Variants in DOCK3 observed in about 807,000 individuals in gnomAD.
DOCK3 encodes dedicator of cytokinesis protein 3.
A neutral mutation model predicts 265.6 loss-of-function variants in DOCK3; 60 were observed. The ratio of observed to expected loss-of-function variants is 0.23; its 90% CI spans 0.18 to 0.28. DOCK3 has a LOEUF of 0.28. Among genes scored for constraint, DOCK3 ranks in the 10% least tolerant of loss-of-function variants. The probability of loss-of-function intolerance (pLI) is 1.00; values close to 1 mark genes in which losing one functional copy is unlikely to be tolerated. For missense variants in DOCK3, 1,981 were observed against 2,594.3 expected (o/e 0.76, Z 5.14); for synonymous variants, 881 against 938.0 (o/e 0.94, Z 1.11).
At chr3:51,272,477 C>T (rs1328798133) in intron 24 of DOCK3, among the ~76,000 whole-genome samples, 2 of 140,164 alleles carry the variant, frequency 1.4e-5, no homozygotes, top group Admixed American at 7.3e-5. Flanking sequence ...TTAGTAGAGA[C>T]GGGGTTTCAC....
intron 1 of DOCK3, among the ~76,000 whole-genome samples, chr3:50,701,249 C>G (rs1180002716): frequency 6.6e-6 from 1 of 151,090 alleles, no homozygotes; most frequent in African/African-American, 2.4e-5. Flanking sequence ...TCTTGAGTAG[C>G]TAGGACAACA....
intron 9 of DOCK3, among the ~76,000 whole-genome samples, chr3:51,098,752 C>G (rs2082967327): frequency 6.6e-6 from 1 of 152,206 alleles, no homozygotes; most frequent in Non-Finnish European, 1.5e-5. Flanking sequence ...TAGACTCCAG[C>G]TCACTAACCA....
At chr3:50,688,506 A>G (rs931519603) in intron 1 of DOCK3, among the ~76,000 whole-genome samples, 7 of 152,162 alleles carry the variant, frequency 4.6e-5, no homozygotes, top group Admixed American at 1.3e-4. Context: ...TCTGTTGCCC[A>G]GGCTGGCGTG....
In DOCK3 at chr3:50,701,636, G is replaced by T. The variant is rs149658693; in HGVS notation, c.37+26336G>T. Among the ~76,000 whole-genome samples, 237 of 152,126 alleles carry T rather than the reference G, an allele frequency of 1.6e-3. 2 individuals carry two copies. The highest frequency in any genetic ancestry group is 5.4e-3 in the African/African-American group (223 of 41,508). Reference sequence around the variant, plus strand: ...TTGTTTTTGTTGCCTGTGCTTTTGAGGTCTTAGTCATAAAATCTTTGTGTA... The same window carrying T: ...TTGTTTTTGTTGCCTGTGCTTTTGATGTCTTAGTCATAAAATCTTTGTGTA... On this transcript the variant is annotated intron_variant, in intron 1 of 52. Transcript: ENST00000266037.
At chr3:50,999,827 T>G (rs6446245) in intron 5 of DOCK3, among the ~76,000 whole-genome samples, 115,697 of 152,140 alleles carry the variant, frequency 0.76, 44,983 homozygotes, top group Middle Eastern at 0.88. Context: ...CATTCCTTGT[T>G]GTAGATGGTC....
intron 23 of DOCK3, among the ~76,000 whole-genome samples, chr3:51,269,899 G>A (rs1192960688): frequency 6.6e-6 from 1 of 151,992 alleles, no homozygotes; most frequent in African/African-American, 2.4e-5. Flanking sequence ...TTTATAGATG[G>A]GGAAACAGAG....
chr3:50,755,966 A>G (rs1188309930), intron 1 of DOCK3, among the ~76,000 whole-genome samples: 1 of 152,216 alleles, frequency 6.6e-6, no homozygotes, highest in African/African-American at 2.4e-5. Flanking sequence ...GAGTTTATTA[A>G]AAAGTTTTAG....
At chr3:51,380,028 C>T (rs1240327849) in intron 51 of DOCK3, 97 bp from the exon 52 acceptor site, 31 of 1,189,032 alleles carry the variant, frequency 2.6e-5, no homozygotes, top group Non-Finnish European at 9.5e-6. Context: ...CCCCAGGGGA[C>T]TCTTCTCATG....
chr3:50,964,899 C>CA (rs1459978499), intron 5 of DOCK3, among the ~76,000 whole-genome samples: 1 of 151,848 alleles, frequency 6.6e-6, no homozygotes, highest in Non-Finnish European at 1.5e-5. Context: ...TCATCAGAAA[C>CA]AATGTAAATG....
At chr3:51,290,408 C>T (rs1161356663) in intron 27 of DOCK3, among the ~76,000 whole-genome samples, 1 of 152,054 alleles carries the variant, frequency 6.6e-6, no homozygotes, top group African/African-American at 2.4e-5. Flanking sequence ...AGCTGGAAAC[C>T]ATCATTCTCA....
At chr3:50,831,604 T>A (rs1205176424) in intron 2 of DOCK3, among the ~76,000 whole-genome samples, 1 of 152,190 alleles carries the variant, frequency 6.6e-6, no homozygotes, top group African/African-American at 2.4e-5. Context: ...GTATATGTAC[T>A]ACATTTTCTT....
At chr3:51,200,148 G>A (rs569103081) in intron 12 of DOCK3, among the ~76,000 whole-genome samples, 36 of 152,164 alleles carry the variant, frequency 2.4e-4, no homozygotes, top group African/African-American at 6.5e-4. Context: ...TCAAAGGATC[G>A]CAGTTCCTCA....
intron 5 of DOCK3, among the ~76,000 whole-genome samples, chr3:50,955,241 G>A (rs2076698259): frequency 6.6e-6 from 1 of 152,186 alleles, no homozygotes; most frequent in Non-Finnish European, 1.5e-5. Context: ...TGGTGGGAGT[G>A]TAAATTAGTT....
chr3:51,039,230 A>C (rs888408306), intron 5 of DOCK3, among the ~76,000 whole-genome samples: 1 of 152,154 alleles, frequency 6.6e-6, no homozygotes. Context: ...TCCTCACCTC[A>C]GGTGATCTGC....
intron 1 of DOCK3, among the ~76,000 whole-genome samples, chr3:50,707,893 G>T (rs2036516837): frequency 6.6e-6 from 1 of 151,012 alleles, no homozygotes; most frequent in South Asian, 2.1e-4. Context: ...GCCCCCAGGT[G>T]GGGTATGTGT....
chr3:51,243,137 G>T (rs781569404), intron 21 of DOCK3, among the ~76,000 whole-genome samples: 1 of 152,202 alleles, frequency 6.6e-6, no homozygotes, highest in East Asian at 1.9e-4. Context: ...AGGACCAACA[G>T]TTCCCCTAGG....
chr3:51,047,380 A>G (rs1205172066), intron 5 of DOCK3, among the ~76,000 whole-genome samples: 2 of 151,990 alleles, frequency 1.3e-5, no homozygotes, highest in Non-Finnish European at 2.9e-5. Flanking sequence ...CGTTGTGCAC[A>G]TGTACCCTAG....
intron 5 of DOCK3, among the ~76,000 whole-genome samples, chr3:50,954,202 A>G (rs1334766536): frequency 6.6e-6 from 1 of 152,102 alleles, no homozygotes; most frequent in African/African-American, 2.4e-5. Flanking sequence ...GTAGAACCAT[A>G]TGGTCCTGTT....
At chr3:51,260,356 T>A in intron 23 of DOCK3, 30 bp downstream of exon 23, 1 of 1,568,992 alleles carries the variant, frequency 6.4e-7, no homozygotes, top group East Asian at 2.3e-5. Context: ...GCTTTGATGC[T>A]GGGTTCCTCT....
Sources: gnomAD v4.1 joint callset for allele counts (sites outside exome capture counted in the v4.1 genomes callset) on GRCh38, gnomAD v4.1.1 for gene constraint, MANE v1.5 for transcripts, NCBI Gene and HGNC (gene_info 2026-07-23, HGNC 2026-07-21) for gene names.